Variants in MALRD1 observed in about 807,000 individuals in gnomAD.
The protein encoded by MALRD1 is MAM and LDL receptor class A domain containing 1.
A neutral mutation model predicts 242.1 loss-of-function variants in MALRD1; 247 were observed. The observed-to-expected ratio is 1.02, with a 90% CI of 0.92 to 1.13. The LOEUF (loss-of-function observed/expected upper bound fraction) is 1.13, where lower values mean the gene tolerates loss of function less well. MALRD1 is among the 50% of genes most tolerant of loss of function. The pLI is 0.00. For missense variants in MALRD1, 2,989 were observed against 2,533.1 expected, an observed-to-expected ratio of 1.18 and a Z score of -3.86; for synonymous variants, 995 against 866.6, an observed-to-expected ratio of 1.15 and a Z score of -2.60.
In MALRD1 at chr10:19,323,994, GA is replaced by G. The variant is rs1346961247; in HGVS notation, c.3468del (p.Lys1156AsnfsTer28). The G allele has an allele frequency of 6.4e-7, 1 of 1,550,852 alleles. No individual in the cohort carries two copies. The highest frequency in any genetic ancestry group is 8.7e-7 in the Non-Finnish European group (1 of 1,146,936). On this transcript the variant is annotated frameshift_variant, in exon 22 of 40. Transcript: ENST00000454679. LOFTEE classifies it high-confidence loss of function. ...WYLYADSSNG[K>X]FGDTADILTP... ...ACCTGTATGCTGACAGTTCTAATGG[GA>G]AATTTGGTGACACGGCTGACATTCT... is the stretch of plus-strand genomic sequence containing the variant.
At chr10:19,731,957 C>T (rs953389321) in intron 39 of MALRD1, among the ~76,000 whole-genome samples, 6 of 152,076 alleles carry the variant, frequency 3.9e-5, no homozygotes, top group South Asian at 4.2e-4. Context: ...GTGCTGTGGC[C>T]GAAGCCTAAC....
chr10:19,640,896 A>G (rs58453528), intron 36 of MALRD1, among the ~76,000 whole-genome samples: 4,117 of 152,304 alleles, frequency 0.027, 164 homozygotes, highest in African/African-American at 0.093. Flanking sequence ...ATTTGTTAGA[A>G]TAATGGAGTT....
chr10:19,392,881 G>T (rs1316645956), intron 28 of MALRD1, among the ~76,000 whole-genome samples: 1 of 152,104 alleles, frequency 6.6e-6, no homozygotes, highest in African/African-American at 2.4e-5. Flanking sequence ...TAGGATGATT[G>T]GCTCTCACTC....
chr10:19,468,314 T>C (rs1470443201), intron 29 of MALRD1, among the ~76,000 whole-genome samples: 1 of 152,148 alleles, frequency 6.6e-6, no homozygotes, highest in Non-Finnish European at 1.5e-5. Flanking sequence ...TTGCTTTAAA[T>C]ATAAGCATAG....
At chr10:19,104,842 A>G (rs1156983303) in intron 5 of MALRD1, among the ~76,000 whole-genome samples, 2 of 152,098 alleles carry the variant, frequency 1.3e-5, no homozygotes, top group African/African-American at 4.8e-5. Flanking sequence ...TACTTAAGAA[A>G]GACCATAGGA....
intron 33 of MALRD1, among the ~76,000 whole-genome samples, chr10:19,573,454 C>T (rs1482401055): frequency 6.6e-6 from 1 of 152,136 alleles, no homozygotes; most frequent in African/African-American, 2.4e-5. Flanking sequence ...CCCAGTGGAG[C>T]AGAGACATGA....
At chr10:19,308,077 A>G (rs1842289816) in intron 21 of MALRD1, among the ~76,000 whole-genome samples, 1 of 151,496 alleles carries the variant, frequency 6.6e-6, no homozygotes, top group Non-Finnish European at 1.5e-5. Flanking sequence ...CAATTAAGTT[A>G]TTATCGGCTG....
chr10:19,258,850 T>G (rs1353597864), intron 19 of MALRD1, among the ~76,000 whole-genome samples: 2 of 152,144 alleles, frequency 1.3e-5, no homozygotes, highest in African/African-American at 4.8e-5. Context: ...GATTACCAGT[T>G]GCCTCTCAAT....
At chr10:19,693,486 G>C (rs1010374250) in intron 38 of MALRD1, among the ~76,000 whole-genome samples, 15 of 152,022 alleles carry the variant, frequency 9.9e-5, no homozygotes, top group African/African-American at 3.6e-4. Flanking sequence ...TTACTTCAAA[G>C]AGAATAAAAT....
chr10:19,050,510 C>T (rs1834461347), intron 1 of MALRD1, among the ~76,000 whole-genome samples: 1 of 152,058 alleles, frequency 6.6e-6, no homozygotes, highest in African/African-American at 2.4e-5. Context: ...TATTCAGTTG[C>T]TATTACATTA....
intron 21 of MALRD1, among the ~76,000 whole-genome samples, chr10:19,311,152 C>A (rs946985602): frequency 6.6e-6 from 1 of 151,318 alleles, no homozygotes; most frequent in Non-Finnish European, 1.5e-5. Context: ...AAAATTAGTT[C>A]TCTTTTCTAA....
intron 8 of MALRD1, among the ~76,000 whole-genome samples, chr10:19,130,072 G>GT (rs1355628555): frequency 6.6e-6 from 1 of 151,792 alleles, no homozygotes; most frequent in African/African-American, 2.4e-5. Context: ...AACTTGTTAT[G>GT]TTTTTGTGTT....
intron 26 of MALRD1, among the ~76,000 whole-genome samples, chr10:19,378,760 T>C (rs999125975): frequency 2.0e-5 from 3 of 152,162 alleles, no homozygotes; most frequent in African/African-American, 7.2e-5. Flanking sequence ...TCATGAGACA[T>C]ATTGGTCTAT....
intron 13 of MALRD1, among the ~76,000 whole-genome samples, chr10:19,167,397 G>T (rs1225477369): frequency 6.6e-6 from 1 of 151,994 alleles, no homozygotes; most frequent in African/African-American, 2.4e-5. Flanking sequence ...TTATAGGGAA[G>T]TTACCGAAGC....
chr10:19,100,306 C>T (rs752006708), intron 4 of MALRD1, among the ~76,000 whole-genome samples: 4 of 152,018 alleles, frequency 2.6e-5, no homozygotes, highest in African/African-American at 7.3e-5. Flanking sequence ...CAAATGGCAG[C>T]GAATTTTCAA....
At chr10:19,084,602 T>A (rs1018287366) in intron 2 of MALRD1, among the ~76,000 whole-genome samples, 1 of 151,902 alleles carries the variant, frequency 6.6e-6, no homozygotes. Context: ...TGCCCATCAA[T>A]GGTTGAGGAA....
intron 36 of MALRD1, among the ~76,000 whole-genome samples, chr10:19,688,724 G>T (rs1842700788): frequency 6.6e-6 from 1 of 152,184 alleles, no homozygotes; most frequent in Admixed American, 6.5e-5. Context: ...AAGAATGGGT[G>T]GAACTTCAAC....
intron 34 of MALRD1, among the ~76,000 whole-genome samples, chr10:19,600,996 C>G (rs530950494): frequency 1.3e-5 from 2 of 151,956 alleles, no homozygotes. Context: ...GCAATCCCCC[C>G]ACCTTAGTCT....
intron 18 of MALRD1, among the ~76,000 whole-genome samples, chr10:19,244,171 T>C (rs1372496555): frequency 6.6e-6 from 1 of 152,144 alleles, no homozygotes; most frequent in African/African-American, 2.4e-5. Context: ...CATCACATCA[T>C]GTTGTTTACA....
Sources: gnomAD v4.1 joint callset for allele counts (sites outside exome capture counted in the v4.1 genomes callset) on GRCh38, gnomAD v4.1.1 for gene constraint, MANE v1.5 for transcripts, NCBI Gene and HGNC (gene_info 2026-07-23, HGNC 2026-07-21) for gene names.